PER2: variants seen among roughly 807,000 people sequenced by gnomAD.
The protein encoded by PER2 is period circadian protein homolog 2.
PER2 carries 66 observed loss-of-function variants against 121.0 expected under a neutral mutation model. That is an observed-to-expected ratio of 0.55 (90% CI 0.45 to 0.67). The LOEUF is 0.67. PER2 is among the 30% of genes least tolerant of loss of function. The pLI is 0.00. For missense variants in PER2, 1,521 were observed against 1,635.0 expected (o/e 0.93, Z 1.20); for synonymous variants, 684 against 659.9 (o/e 1.04, Z -0.56).
At chr2:238,287,268 C>A (rs984407239) in intron 1 of PER2, among the ~76,000 whole-genome samples, 5 of 151,900 alleles carry the variant, frequency 3.3e-5, no homozygotes, top group East Asian at 3.9e-4. Flanking sequence ...AGCTTCCACT[C>A]AAAAAAAACG....
In PER2 at chr2:238,245,362, G is replaced by C; in HGVS notation, c.*1013C>G. Reference sequence around the variant, plus strand: ...GGCTGTGCACCCAACCCAGGGTGCAGTGGGAGAGGTGAGCTCACTGCACCC... The same window carrying C: ...GGCTGTGCACCCAACCCAGGGTGCACTGGGAGAGGTGAGCTCACTGCACCC... On this transcript the variant is annotated 3_prime_UTR_variant, in exon 23 of 23. Transcript: ENST00000254657. 5.2e-6 allele frequency: 2 copies of C among 386,882 alleles called. No homozygotes were observed. Among genetic ancestry groups the C allele is most frequent in the Non-Finnish European group, 9.1e-6 (2 of 218,954 alleles). The allele number at this position is 386,882 out of a possible 1,614,324, so 24.0% of individuals were successfully genotyped here.
In PER2 at chr2:238,253,215, T is replaced by C; in HGVS notation, c.2808A>G (p.Thr936=). 3 of 1,594,454 alleles carry C rather than the reference T, an allele frequency of 1.9e-6. No individual in the cohort carries two copies. The highest frequency in any genetic ancestry group is 2.6e-6 in the Non-Finnish European group (3 of 1,168,766). The change falls in exon 19 of 23, where the codon ACA becomes ACG. Residue 936 remains threonine, a synonymous_variant. Transcript: ENST00000254657. This position sits in a 1 kb window ranked among gnomAD's most constrained non-coding sequence, Gnocchi z 5.6. ...PSQPQFPSHP[T]LTSEMASASQ... is the part of the protein sequence containing the mutation. ...AGGCAGAGGCCATCTCGGATGTGAG[T>C]GTGGGGTGGCTCGGAAACTGAGGCT...
At position 238,261,463 on chromosome 2, in the gene PER2, C is replaced by T. The variant is rs991356856; in HGVS notation, c.1416+266G>A. ...TGGAACTATGCAGCCTGTGTCAGAGCACGGGGTCTGCACACGTCCTTCAGC... is the reference window on the plus strand; with the variant it reads ...TGGAACTATGCAGCCTGTGTCAGAGTACGGGGTCTGCACACGTCCTTCAGC... On this transcript the variant is annotated intron_variant, in intron 12 of 22. Coordinates refer to ENST00000254657, the MANE Select transcript of PER2 (RefSeq NM_022817.3). The T allele has an allele frequency of 5.7e-6, 3 of 527,936 alleles. No individual in the cohort carries two copies. The African/African-American group carries it at 5.7e-5, about 10-fold the overall frequency. 32.7% of individuals were successfully genotyped at this position (527,936 alleles called of 1,614,324 possible).
At position 238,248,337 on chromosome 2, in the gene PER2, C is replaced by T. The variant is rs73088911; in HGVS notation, c.3618+725G>A. Among the ~76,000 whole-genome samples the T allele has an allele frequency of 9.7e-3, 1,481 of 152,154 alleles. 33 individuals carry two copies. Among genetic ancestry groups the T allele is most frequent in the African/African-American group, 0.035 (1,434 of 41,500 alleles). ...TCCACGGTATGTGGGAGGGAGGGGT[C>T]GGCAGAGAGCAGGAGAGAGGGGCTG... On this transcript the variant is annotated intron_variant, in intron 22 of 22. Coordinates refer to ENST00000254657, the MANE Select transcript of PER2 (RefSeq NM_022817.3).
chr2:238,281,687 C>T lies in PER2; in HGVS notation c.-19-3732G>A, dbSNP rs1189495452. 3.3e-5 allele frequency among the ~76,000 whole-genome samples: 5 copies of T among 152,218 alleles called. 1 individual carries two copies. Among genetic ancestry groups the T allele is most frequent in the Admixed American group, 2.6e-4 (4 of 15,278 alleles). On this transcript the variant is annotated intron_variant, in intron 1 of 22. Coordinates refer to ENST00000254657, the MANE Select transcript of PER2 (RefSeq NM_022817.3). ...AGGAAAATGCAAAGGACGAGGTTATCTTGCCCATCAGGTTGCCAAAAATTA... is the reference window on the plus strand; with the variant it reads ...AGGAAAATGCAAAGGACGAGGTTATTTTGCCCATCAGGTTGCCAAAAATTA...
In PER2 at chr2:238,244,313, T is replaced by C. The variant is rs1376059085; in HGVS notation, c.*2062A>G. ...GTAAGCACACACACTAAAGAAAACA[T>C]GACTTGATGCTTGGCATCACGTAAA... On this transcript the variant is annotated 3_prime_UTR_variant, in exon 23 of 23. Transcript: ENST00000254657. 2 of 152,604 alleles carry C rather than the reference T, an allele frequency of 1.3e-5. No individual in the cohort carries two copies. The highest frequency in any genetic ancestry group is 4.8e-5 in the African/African-American group (2 of 41,468). The allele number at this position is 152,604 out of a possible 1,614,324, so 9.5% of individuals were successfully genotyped here.
At chr2:238,277,628 A>G in intron 2 of PER2, 79 bp downstream of exon 2, 1 of 1,490,310 alleles carries the variant, frequency 6.7e-7, no homozygotes, top group Non-Finnish European at 9.3e-7. Context: ...AAGATTGCAA[A>G]AGCAATCAAA....
chr2:238,287,148 C>G (rs760185315), intron 1 of PER2, among the ~76,000 whole-genome samples: 1 of 152,202 alleles, frequency 6.6e-6, no homozygotes, highest in Non-Finnish European at 1.5e-5. Context: ...ACTCCAGTCT[C>G]CACAGAAAGC....
chr2:238,279,636 T>G (rs574093042), intron 1 of PER2, among the ~76,000 whole-genome samples: 21 of 152,294 alleles, frequency 1.4e-4, no homozygotes, highest in African/African-American at 4.8e-4. Context: ...GGTTTCTGGA[T>G]TCCACACCCC....
chr2:238,258,529 G>A lies in PER2; in HGVS notation c.1743C>T (p.Tyr581=). The change falls in exon 15 of 23, where the codon TAC becomes TAT. Residue 581 remains tyrosine, a synonymous_variant. Transcript: ENST00000254657. ...LACKNQPTCS[Y]QQISCLDSVI... ...CGCTGTCCAAGCAGCTGATCTGCTG[G>A]TAGGAGCAGGTGGGCTGGTTCTTGC... The A allele has an allele frequency of 1.2e-6, 2 of 1,614,210 alleles. No individual in the cohort carries two copies. The highest frequency in any genetic ancestry group is 2.2e-5 in the South Asian group (2 of 91,090).
At chr2:238,282,994 T>C (rs1284892811) in intron 1 of PER2, among the ~76,000 whole-genome samples, 3 of 152,254 alleles carry the variant, frequency 2.0e-5, no homozygotes, top group African/African-American at 7.2e-5. Flanking sequence ...AGGCTGGCAC[T>C]GGGCATCTCT....
chr2:238,274,169 G>A (rs557054139), intron 4 of PER2, among the ~76,000 whole-genome samples: 34 of 152,354 alleles, frequency 2.2e-4, no homozygotes, highest in African/African-American at 7.0e-4. Flanking sequence ...CTCCATCTGA[G>A]TTCCCACGTC....
chr2:238,265,904 ATTTT>A (rs759618918), intron 8 of PER2, among the ~76,000 whole-genome samples: 1 of 140,738 alleles, frequency 7.1e-6, no homozygotes. Context: ...CATCTTTACG[ATTTT>A]TTTTTTTTTT....
At chr2:238,264,928 C>T (rs1438077164) in intron 9 of PER2, among the ~76,000 whole-genome samples, 1 of 152,240 alleles carries the variant, frequency 6.6e-6, no homozygotes, top group African/African-American at 2.4e-5. Flanking sequence ...GTGTGAGCCA[C>T]TGCACCTAGC....
intron 1 of PER2, among the ~76,000 whole-genome samples, chr2:238,278,805 C>T (rs1037848779): frequency 2.6e-5 from 4 of 152,114 alleles, no homozygotes; most frequent in Non-Finnish European, 4.4e-5. Flanking sequence ...CCAGGCCCCA[C>T]AAGCATGTAC....
chr2:238,252,782 G>GC lies in PER2; in HGVS notation c.3111+129dup. 2 of 843,400 alleles carry GC rather than the reference G, an allele frequency of 2.4e-6. No individual in the cohort carries two copies. The highest frequency in any genetic ancestry group is 1.7e-5 in the Admixed American group (1 of 58,850). 52.2% of individuals were successfully genotyped at this position (843,400 alleles called of 1,614,324 possible). On this transcript the variant is annotated intron_variant, in intron 19 of 22. Transcript: ENST00000254657. The surrounding 1 kb of genome is among the most constrained non-coding windows in gnomAD (Gnocchi z 4.2). ...TGAATTTCTGGCACACACATTCATG[G>GC]CAAAACCTACAGGGTTTGGTGGAAA...
At chr2:238,278,811 T>C (rs574545168) in intron 1 of PER2, among the ~76,000 whole-genome samples, 3 of 152,116 alleles carry the variant, frequency 2.0e-5, no homozygotes, top group South Asian at 2.1e-4. Context: ...CCCACAAGCA[T>C]GTACAAGTGG....
chr2:238,282,829 G>A (rs145584644), intron 1 of PER2, among the ~76,000 whole-genome samples: 5 of 152,374 alleles, frequency 3.3e-5, no homozygotes, highest in Non-Finnish European at 7.3e-5. Context: ...GGGGCTGGGA[G>A]TGACATTTCA....
intron 10 of PER2, 39 bp from the exon 11 acceptor site, chr2:238,262,383 G>A (rs774527423): frequency 3.7e-6 from 6 of 1,606,296 alleles, no homozygotes; most frequent in Non-Finnish European, 5.1e-6. Flanking sequence ...GAAAAGGGGA[G>A]CAAACAGGAT....
Sources: allele counts gnomAD v4.1 joint callset (sites outside exome capture counted in the v4.1 genomes callset), GRCh38; gene constraint gnomAD v4.1.1; non-coding constraint Gnocchi (gnomAD v3.1); transcripts MANE v1.5; gene names NCBI Gene and HGNC (gene_info 2026-07-23, HGNC 2026-07-21).